GALNT10: variants seen among roughly 807,000 people sequenced by gnomAD.
The protein encoded by GALNT10 is polypeptide N-acetylgalactosaminyltransferase 10, also known as GalNAc transferase 10.
In GALNT10, 41 loss-of-function variants were observed where a neutral mutation model predicts 75.0. The ratio of observed to expected loss-of-function variants is 0.55; its 90% confidence interval spans 0.43 to 0.71. The LOEUF is 0.71. Among genes scored for constraint, GALNT10 ranks in the 30% least tolerant of loss-of-function variants. The pLI is 0.00. For missense variants in GALNT10, 727 were observed against 818.5 expected (o/e 0.89, Z 1.36); for synonymous variants, 302 against 313.0 (o/e 0.96, Z 0.37).
At chr5:154,255,792 T>C (rs1237957375) in intron 1 of GALNT10, among the ~76,000 whole-genome samples, 1 of 151,894 alleles carries the variant, frequency 6.6e-6, no homozygotes, top group Non-Finnish European at 1.5e-5. Context: ...GTAGGCCTTG[T>C]CAGTATCACA....
Position 154,406,425 on chromosome 5 carries a change from C to G in GALNT10, c.1164+2214C>G, listed in dbSNP as rs572435740. On this transcript the variant is annotated intron_variant, in intron 8 of 11. Coordinates refer to ENST00000297107, the MANE Select transcript of GALNT10 (RefSeq NM_198321.4). ...GATTATGTGTGGGTTCGCAGAACCA[C>G]AGAGATGCCTGAATCAGGTGCGGCC... Among the ~76,000 whole-genome samples the G allele has an allele frequency of 5.9e-5, 9 of 152,340 alleles. No individual in the cohort carries two copies. In the East Asian group the frequency reaches 1.7e-3, roughly 29 times the overall value.
chr5:154,246,255 G>T (rs1753421930), intron 1 of GALNT10, among the ~76,000 whole-genome samples: 1 of 152,122 alleles, frequency 6.6e-6, no homozygotes, highest in South Asian at 2.1e-4. Context: ...TGTGAATAGT[G>T]CTGCAATAAA....
chr5:154,398,208 C>T (rs1418831860), intron 7 of GALNT10, among the ~76,000 whole-genome samples: 4 of 152,350 alleles, frequency 2.6e-5, no homozygotes, highest in African/African-American at 9.6e-5. Flanking sequence ...GGAACTCCTG[C>T]GGTGGAGCAG....
intron 4 of GALNT10, among the ~76,000 whole-genome samples, chr5:154,342,682 ATAAGT>A (rs1025497387): frequency 6.6e-6 from 1 of 152,150 alleles, no homozygotes; most frequent in African/African-American, 2.4e-5. Context: ...CTAGGAGGAG[ATAAGT>A]TAAGATGCCT....
rs541172355 is a variant in GALNT10 at position 154,244,551 on chromosome 5, T to C, written c.160-50265T>C. On this transcript the variant is annotated intron_variant, in intron 1 of 11. Coordinates refer to ENST00000297107, the MANE Select transcript of GALNT10 (RefSeq NM_198321.4). The stretch of plus-strand genomic sequence containing the variant: ...GAGGGCAAAGCTGGGACTGGTGAGA[T>C]TGGGGGAGTTCAGTGCTTATCCGTG... Among the ~76,000 whole-genome samples, 7 of 152,218 alleles carry C rather than the reference T, an allele frequency of 4.6e-5. 1 individual carries two copies. The highest frequency in any genetic ancestry group is 1.4e-4 in the African/African-American group (6 of 41,550).
intron 4 of GALNT10, among the ~76,000 whole-genome samples, chr5:154,347,629 TG>T (rs1755150133): frequency 6.6e-6 from 1 of 152,144 alleles, no homozygotes; most frequent in Non-Finnish European, 1.5e-5. Flanking sequence ...CCCAAGGTGC[TG>T]GGATTACAGG....
At chr5:154,275,971 T>G (rs1016553139) in intron 1 of GALNT10, among the ~76,000 whole-genome samples, 2 of 152,206 alleles carry the variant, frequency 1.3e-5, no homozygotes, top group Non-Finnish European at 2.9e-5. Context: ...ACAGAAGATT[T>G]CATTGCAGCT....
At chr5:154,195,090 A>G (rs1774915371) in intron 1 of GALNT10, among the ~76,000 whole-genome samples, 1 of 152,220 alleles carries the variant, frequency 6.6e-6, no homozygotes, top group Non-Finnish European at 1.5e-5. Context: ...CAGATAACGG[A>G]ATCAGGAATG....
At chr5:154,244,421 A>G (rs1206514962) in intron 1 of GALNT10, among the ~76,000 whole-genome samples, 1 of 147,924 alleles carries the variant, frequency 6.8e-6, no homozygotes, top group Non-Finnish European at 1.5e-5. Flanking sequence ...TTTTTTAATT[A>G]AAAAAAAAAG....
intron 4 of GALNT10, among the ~76,000 whole-genome samples, chr5:154,334,474 G>A (rs1226434512): frequency 6.6e-6 from 1 of 152,232 alleles, no homozygotes; most frequent in Non-Finnish European, 1.5e-5. Context: ...GGGTTGCACT[G>A]CCTGGGTGGC....
At chr5:154,296,200 C>T (rs1047813496) in intron 2 of GALNT10, among the ~76,000 whole-genome samples, 6 of 152,302 alleles carry the variant, frequency 3.9e-5, no homozygotes, top group African/African-American at 1.4e-4. Flanking sequence ...GATTCTCCTG[C>T]CTCAGCCTCC....
intron 4 of GALNT10, among the ~76,000 whole-genome samples, chr5:154,335,661 A>G (rs1429871465): frequency 2.0e-5 from 3 of 152,132 alleles, no homozygotes; most frequent in Non-Finnish European, 4.4e-5. Context: ...TATTTTTTAG[A>G]ACAGTTTAGG....
At chr5:154,294,501 C>T (rs78264945) in intron 1 of GALNT10, among the ~76,000 whole-genome samples, 4,312 of 152,288 alleles carry the variant, frequency 0.028, 94 homozygotes, top group Middle Eastern at 0.11. Flanking sequence ...ATGTGGCTCA[C>T]GTTATATTTC....
intron 1 of GALNT10, among the ~76,000 whole-genome samples, chr5:154,257,509 T>G (rs1258253270): frequency 6.6e-6 from 1 of 152,042 alleles, no homozygotes; most frequent in East Asian, 1.9e-4. Flanking sequence ...AAAAGGGAAT[T>G]TATTGGCTTC....
At position 154,351,348 on chromosome 5, in the gene GALNT10, G is replaced by A. The variant is rs1286033389; in HGVS notation, c.568+21610G>A. On this transcript the variant is annotated intron_variant, in intron 4 of 11. Coordinates refer to ENST00000297107, the MANE Select transcript of GALNT10 (RefSeq NM_198321.4). ...TCAAACCACTCTAGTGTGCAGCCTT[G>A]TGTCCACTCATCTGGAGCTCACCTG... 3.9e-5 allele frequency among the ~76,000 whole-genome samples: 6 copies of A among 152,208 alleles called. No homozygotes were observed. In the East Asian group the frequency reaches 1.2e-3, roughly 29 times the overall value.
At chr5:154,218,191 C>G in intron 1 of GALNT10, 3 of 927,794 alleles carry the variant, frequency 3.2e-6, no homozygotes, top group Non-Finnish European at 3.9e-6. Flanking sequence ...CACCTCCTCC[C>G]TCCCCACCTC....
At chr5:154,253,004 T>G (rs1363940400) in intron 1 of GALNT10, among the ~76,000 whole-genome samples, 3 of 65,580 alleles carry the variant, frequency 4.6e-5, no homozygotes, top group South Asian at 5.8e-4. Context: ...TTTTAGTGGT[T>G]TTTTTTTTTT....
At chr5:154,263,828 C>G (rs1457235186) in intron 1 of GALNT10, among the ~76,000 whole-genome samples, 1 of 152,124 alleles carries the variant, frequency 6.6e-6, no homozygotes, top group East Asian at 1.9e-4. Flanking sequence ...TGAATTTCAA[C>G]ATATGAATTC....
chr5:154,397,391 G>A (rs973149903), intron 7 of GALNT10, among the ~76,000 whole-genome samples: 5 of 152,096 alleles, frequency 3.3e-5, no homozygotes, highest in Admixed American at 1.3e-4. Flanking sequence ...GATGGGCCAC[G>A]TGCCCACAGG....
Sources: gnomAD v4.1 joint callset for allele counts (sites outside exome capture counted in the v4.1 genomes callset) on GRCh38, gnomAD v4.1.1 for gene constraint, MANE v1.5 for transcripts, NCBI Gene and HGNC (gene_info 2026-07-23, HGNC 2026-07-21) for gene names.